The following KANK1 variants were observed in gnomAD, a reference collection of about 807,000 sequenced individuals.
KANK1 encodes KN motif and ankyrin repeat domains 1.
In KANK1, 109 loss-of-function variants were observed where a neutral mutation model predicts 106.2. The observed-to-expected ratio is 1.03, with a 90% CI of 0.88 to 1.20. The LOEUF is 1.20. KANK1 is among the 50% of genes most tolerant of loss of function. KANK1 has a pLI of 0.00. For missense variants in KANK1, 2,399 were observed against 1,710.7 expected (o/e 1.40, Z -7.10); for synonymous variants, 873 against 652.2 (o/e 1.34, Z -5.16).
chr9:608,034 A>ATTTTTTTTTTTTT (rs35949327), intron 1 of KANK1, among the ~76,000 whole-genome samples: 8 of 115,352 alleles, frequency 6.9e-5, no homozygotes, highest in African/African-American at 1.9e-4. Context: ...TATTATTATT[A>ATTTTTTTTTTTTT]TTTTTTTTTT....
chr9:623,303 A>G (rs936833980), intron 1 of KANK1, among the ~76,000 whole-genome samples: 1 of 152,086 alleles, frequency 6.6e-6, no homozygotes, highest in Non-Finnish European at 1.5e-5. Flanking sequence ...AAATGAAAAG[A>G]TGCTTGCCAG....
In KANK1 at chr9:745,459, GTC is replaced by G; in HGVS notation, c.*228_*229del. 1 of 471,710 alleles carries G rather than the reference GTC, an allele frequency of 2.1e-6. No individual in the cohort carries two copies. 29.2% of individuals were successfully genotyped at this position (471,710 alleles called of 1,614,324 possible). On this transcript the variant is annotated 3_prime_UTR_variant, in exon 12 of 12. Coordinates refer to ENST00000382297, the MANE Select transcript of KANK1 (RefSeq NM_015158.5). ...TCTGTGTAGGGCACACTTTAACCCA[GTC>G]TCTGTTGCTGTTGAGTCTCTGCTCC...
chr9:638,152 T>A (rs1837573067), intron 1 of KANK1, among the ~76,000 whole-genome samples: 2 of 152,210 alleles, frequency 1.3e-5, no homozygotes, highest in African/African-American at 4.8e-5. Flanking sequence ...ATCCTTAAGA[T>A]ACAAACAAAG....
At chr9:599,659 C>T (rs1475708052) in intron 1 of KANK1, among the ~76,000 whole-genome samples, 1 of 151,786 alleles carries the variant, frequency 6.6e-6, no homozygotes, top group Non-Finnish European at 1.5e-5. Context: ...ATATGCAGGT[C>T]CACGTGCAGG....
chr9:616,451 C>G (rs1831847600), intron 1 of KANK1, among the ~76,000 whole-genome samples: 1 of 152,180 alleles, frequency 6.6e-6, no homozygotes, highest in Non-Finnish European at 1.5e-5. Context: ...TTTGTCACTT[C>G]TCCAAGCTGT....
In KANK1 at chr9:745,309, G is replaced by A. The variant is rs1055355051; in HGVS notation, c.*74G>A. The A allele has an allele frequency of 1.9e-6, 3 of 1,566,008 alleles. No individual in the cohort carries two copies. The highest frequency in any genetic ancestry group is 2.2e-5 in the East Asian group (1 of 44,490). ...TGTTCCTGTTGGGGTGACAGATACT[G>A]AATGTATACGTATTGTGCCTGAGCT... On this transcript the variant is annotated 3_prime_UTR_variant, in exon 12 of 12. Transcript: ENST00000382297.
intron 2 of KANK1, among the ~76,000 whole-genome samples, chr9:705,159 T>G (rs1366598849): frequency 6.6e-6 from 1 of 152,118 alleles, no homozygotes; most frequent in Non-Finnish European, 1.5e-5. Flanking sequence ...ACTTCTGTCT[T>G]CAGAGCATCA....
At chr9:474,149 G>C (rs540881240) in intron 3 of KANK1, among the ~76,000 whole-genome samples, 1 of 152,342 alleles carries the variant, frequency 6.6e-6, no homozygotes, top group East Asian at 1.9e-4. Context: ...GGGTGAGTGA[G>C]TGTATGGATA....
chr9:492,050 A>G (rs2058386456), intron 3 of KANK1: 1 of 152,228 alleles, frequency 6.6e-6, no homozygotes, highest in African/African-American at 2.4e-5. Flanking sequence ...GTCTTTATCA[A>G]CAGTGTGAAA....
intron 2 of KANK1, among the ~76,000 whole-genome samples, chr9:703,916 G>A (rs569222405): frequency 1.4e-3 from 212 of 152,186 alleles, no homozygotes; most frequent in Non-Finnish European, 2.7e-3. Context: ...GTTTCACCAT[G>A]TTGGACAGAC....
At chr9:561,026 C>G (rs1816281206) in intron 1 of KANK1, among the ~76,000 whole-genome samples, 1 of 152,128 alleles carries the variant, frequency 6.6e-6, no homozygotes, top group Non-Finnish European at 1.5e-5. Context: ...CCGTTGTTTT[C>G]TGACTTCGTT....
chr9:733,321 C>G (rs889214223), intron 6 of KANK1: 5 of 152,178 alleles, frequency 3.3e-5, no homozygotes, highest in Admixed American at 1.3e-4. Context: ...AAACTTACCT[C>G]TATTTAATTT....
chr9:613,382 C>A (rs1045366995), intron 1 of KANK1, among the ~76,000 whole-genome samples: 1 of 151,426 alleles, frequency 6.6e-6, no homozygotes, highest in Non-Finnish European at 1.5e-5. Flanking sequence ...TTGTCCAACC[C>A]ATGGCCCACA....
intron 1 of KANK1, among the ~76,000 whole-genome samples, chr9:522,547 A>C (rs1384842335): frequency 1.3e-5 from 2 of 151,780 alleles, no homozygotes; most frequent in Middle Eastern, 3.4e-3. Flanking sequence ...CCTTTTGCTC[A>C]TGAGGAAGGG....
chr9:601,789 A>G (rs1294375846), intron 1 of KANK1, among the ~76,000 whole-genome samples: 2 of 151,856 alleles, frequency 1.3e-5, no homozygotes, highest in African/African-American at 4.9e-5. Context: ...ACATTATGGC[A>G]TCCCCTGATG....
At position 742,037 on chromosome 9, in the gene KANK1, G is replaced by T. The variant is rs150047849; in HGVS notation, c.3697-168G>T. On this transcript the variant is annotated intron_variant, in intron 9 of 11. Coordinates refer to ENST00000382297, the MANE Select transcript of KANK1 (RefSeq NM_015158.5). ...GCCCTTCCTTTGCTCATAGCTCATG[G>T]GAAGCTGGTTTCTCCCTGCTTGCCA... Among the ~76,000 whole-genome samples the T allele has an allele frequency of 8.5e-5, 13 of 152,218 alleles. No homozygotes were observed. The East Asian group carries it at 2.5e-3, about 29-fold the overall frequency.
chr9:574,507 G>A, intron 1 of KANK1, among the ~76,000 whole-genome samples: 1 of 146,680 alleles, frequency 6.8e-6, no homozygotes, highest in East Asian at 1.9e-4. Context: ...GAAATGAGCA[G>A]CTGTACCACT....
At chr9:584,002 C>A (rs143571646) in intron 1 of KANK1, among the ~76,000 whole-genome samples, 2 of 152,012 alleles carry the variant, frequency 1.3e-5, no homozygotes, top group African/African-American at 2.4e-5. Context: ...TTGTGTAGGG[C>A]AAATTAACAA....
At chr9:515,707 A>G (rs1419999406) in intron 1 of KANK1, among the ~76,000 whole-genome samples, 1 of 151,824 alleles carries the variant, frequency 6.6e-6, no homozygotes, top group African/African-American at 2.4e-5. Flanking sequence ...ATTTCCACAT[A>G]AATGTAAAAG....
Sources: gnomAD v4.1 joint callset for allele counts (sites outside exome capture counted in the v4.1 genomes callset) on GRCh38, gnomAD v4.1.1 for gene constraint, MANE v1.5 for transcripts, NCBI Gene and HGNC (gene_info 2026-07-23, HGNC 2026-07-21) for gene names.